Variants in DAAM1 observed in about 807,000 individuals in gnomAD.
The protein encoded by DAAM1 is dishevelled associated activator of morphogenesis 1.
DAAM1 carries 52 observed loss-of-function variants against 130.0 expected under a neutral mutation model. The ratio of observed to expected loss-of-function variants is 0.40; its 90% CI spans 0.32 to 0.50. The LOEUF (loss-of-function observed/expected upper bound fraction) is 0.50. Ranked by LOEUF, DAAM1 falls within the 20% of genes least tolerant of loss-of-function variation. The pLI, the probability that DAAM1 is intolerant of heterozygous loss-of-function variation, is 0.61. For synonymous variants in DAAM1, 452 were observed against 444.5 expected (o/e 1.02, Z -0.21); for missense variants, 1,134 against 1,303.8 (o/e 0.87, Z 2.01).
chr14:59,273,341 T>A (rs1882812342), intron 2 of DAAM1, among the ~76,000 whole-genome samples: 1 of 152,234 alleles, frequency 6.6e-6, no homozygotes, highest in African/African-American at 2.4e-5. Context: ...CATTTATTTC[T>A]GGATGCTTCT....
intron 1 of DAAM1, among the ~76,000 whole-genome samples, chr14:59,197,184 T>A (rs1301560792): frequency 2.0e-5 from 3 of 152,202 alleles, no homozygotes; most frequent in African/African-American, 4.8e-5. Context: ...CCTCCCAAAG[T>A]GCTGGGATTA....
intron 16 of DAAM1, among the ~76,000 whole-genome samples, chr14:59,345,991 GTTT>G (rs1886064160): frequency 6.6e-6 from 1 of 152,132 alleles, no homozygotes; most frequent in Non-Finnish European, 1.5e-5. Flanking sequence ...CTGCTACTTT[GTTT>G]TTCTAGTATA....
intron 1 of DAAM1, among the ~76,000 whole-genome samples, chr14:59,238,227 T>C (rs1889363543): frequency 6.6e-6 from 1 of 152,154 alleles, no homozygotes; most frequent in African/African-American, 2.4e-5. Flanking sequence ...CTGGTTGGCT[T>C]TGTGGCTTTT....
chr14:59,197,848 C>G (rs1041018602), intron 1 of DAAM1, among the ~76,000 whole-genome samples: 1 of 152,110 alleles, frequency 6.6e-6, no homozygotes, highest in Non-Finnish European at 1.5e-5. Context: ...AGTTCCATAT[C>G]TTGGGAGCCC....
intron 2 of DAAM1, among the ~76,000 whole-genome samples, chr14:59,278,167 A>T (rs1182639964): frequency 6.6e-6 from 1 of 152,164 alleles, no homozygotes; most frequent in African/African-American, 2.4e-5. Flanking sequence ...TGATGATGTG[A>T]AATGATAAAA....
chr14:59,277,935 G>A (rs1035996119), intron 2 of DAAM1, among the ~76,000 whole-genome samples: 1 of 152,018 alleles, frequency 6.6e-6, no homozygotes. Context: ...CCTCCCCTGT[G>A]GATGCCTGAA....
In DAAM1 at chr14:59,368,743, C is replaced by G; in HGVS notation, c.3091C>G (p.Arg1031Gly). ...GTTTGATGACCTTGTTTCAGCTTTA[C>G]GCTCAGGAGAAGTGTTTGACAAAGA... The part of the protein sequence containing the change: ...GEFDDLVSAL[R>G]SGEVFDKDLS... Residue 1031 changes from arginine (R) to glycine (G), a missense_variant, in exon 25 of 25, where the codon CGC becomes GGC. Arg to Gly is a moderately radical substitution (Grantham distance 125). This residue lies in a region of DAAM1 where 644 missense variants were observed against 695.9 expected (regional missense o/e 0.93). Coordinates refer to ENST00000360909, the MANE Select transcript of DAAM1 (RefSeq NM_001270520.2). The G allele has an allele frequency of 6.2e-7, 1 of 1,613,954 alleles. No homozygotes were observed. Among genetic ancestry groups the G allele is most frequent in the Non-Finnish European group, 8.5e-7 (1 of 1,179,910 alleles).
At chr14:59,225,019 G>GTTTTTTTT (rs869233694) in intron 1 of DAAM1, among the ~76,000 whole-genome samples, 929 of 90,706 alleles carry the variant, frequency 0.01, 71 homozygotes, top group Non-Finnish European at 0.014. Flanking sequence ...ATCTGTGTGG[G>GTTTTTTTT]TTTTTTTTTT....
Position 59,330,589 on chromosome 14 carries a change from A to G in DAAM1, c.1461A>G (p.Leu487=). 1 of 1,614,064 alleles carries G rather than the reference A, an allele frequency of 6.2e-7. No homozygotes were observed. The highest frequency in any genetic ancestry group is 8.5e-7 in the Non-Finnish European group (1 of 1,179,984). ...AGAAGGAAGAGATGATGCAGACCTTAAATAAAATGAAAGAGAAACTTGAAA... is the reference window on the plus strand; with the variant it reads ...AGAAGGAAGAGATGATGCAGACCTTGAATAAAATGAAAGAGAAACTTGAAA... ...TQEKEEMMQT[L]NKMKEKLEKE... is the part of the protein sequence containing the mutation. The change falls in exon 13 of 25, where the codon TTA becomes TTG. Residue 487 remains leucine (L), a synonymous_variant. Transcript: ENST00000360909.
chr14:59,340,814 G>A (rs1008613013), intron 16 of DAAM1, among the ~76,000 whole-genome samples: 1 of 152,158 alleles, frequency 6.6e-6, no homozygotes, highest in Non-Finnish European at 1.5e-5. Flanking sequence ...GTTTTTCTGG[G>A]CATTTCAAAT....
At chr14:59,235,798 A>G (rs1313188) in intron 1 of DAAM1, among the ~76,000 whole-genome samples, 20,655 of 152,168 alleles carry the variant, frequency 0.14, 1,587 homozygotes, top group Middle Eastern at 0.19. Flanking sequence ...TTTCCCTTTT[A>G]ACACTGCTTT....
intron 2 of DAAM1, chr14:59,266,186 C>T (rs1882432456): frequency 6.6e-6 from 1 of 151,382 alleles, no homozygotes; most frequent in African/African-American, 2.4e-5. Flanking sequence ...AAAAAGTCAA[C>T]CAAAGGACAT....
chr14:59,195,244 C>T (rs968854320), intron 1 of DAAM1, among the ~76,000 whole-genome samples: 4 of 151,258 alleles, frequency 2.6e-5, no homozygotes, highest in Non-Finnish European at 4.4e-5. Context: ...CCCAGGTTCA[C>T]GCCATTCTCC....
chr14:59,280,647 A>G (rs1883174243), intron 2 of DAAM1, among the ~76,000 whole-genome samples: 1 of 151,432 alleles, frequency 6.6e-6, no homozygotes, highest in Admixed American at 6.6e-5. Context: ...CGAGTTCACA[A>G]TGAGAGTCAG....
At chr14:59,283,392 T>C (rs777737860) in intron 2 of DAAM1, among the ~76,000 whole-genome samples, 3 of 152,208 alleles carry the variant, frequency 2.0e-5, no homozygotes, top group Admixed American at 2.0e-4. Context: ...AATTCTAACA[T>C]TTTAAACATG....
chr14:59,285,127 A>C (rs1315580338), intron 2 of DAAM1, among the ~76,000 whole-genome samples: 1 of 152,288 alleles, frequency 6.6e-6, no homozygotes, highest in South Asian at 2.1e-4. Flanking sequence ...GAAACCTTAT[A>C]AGCCAGAAGA....
intron 22 of DAAM1, 191 bp from the exon 23 acceptor site, chr14:59,363,460 A>G: frequency 1.5e-6 from 1 of 655,456 alleles, no homozygotes. Context: ...ATGCGTGTGC[A>G]CATGGGCATG....
chr14:59,255,315 A>T (rs541457987), intron 1 of DAAM1, among the ~76,000 whole-genome samples: 2 of 152,214 alleles, frequency 1.3e-5, no homozygotes, highest in Admixed American at 1.3e-4. Flanking sequence ...GATGGAGAGG[A>T]TGTTGAAACC....
intron 1 of DAAM1, among the ~76,000 whole-genome samples, chr14:59,200,785 C>T (rs183945290): frequency 1.2e-3 from 189 of 152,210 alleles, no homozygotes; most frequent in African/African-American, 4.2e-3. Context: ...TCAGAATGTT[C>T]GCAGTGGATT....
Sources: gnomAD v4.1 joint callset for allele counts (sites outside exome capture counted in the v4.1 genomes callset) on GRCh38, gnomAD v4.1.1 for gene constraint, gnomAD v4.1.1 regional missense constraint, MANE v1.5 for transcripts, NCBI Gene and HGNC (gene_info 2026-07-23, HGNC 2026-07-21) for gene names.